CNGB3: variants seen among roughly 807,000 people sequenced by gnomAD.
The protein encoded by CNGB3 is cyclic nucleotide gated channel subunit beta 3, also known as cyclic nucleotide-gated channel beta-3.
CNGB3 carries 86 observed loss-of-function variants against 92.8 expected under a neutral mutation model. That is an observed-to-expected ratio of 0.93 (90% CI 0.78 to 1.11). The LOEUF is 1.11. Ranked by LOEUF, CNGB3 falls within the 50% of genes least tolerant of loss-of-function variation. The pLI is 0.00. For missense variants in CNGB3, 1,026 were observed against 956.8 expected, an observed-to-expected ratio of 1.07 and a Z score of -0.95; for synonymous variants, 333 against 332.7, an observed-to-expected ratio of 1.00 and a Z score of -0.01.
At chr8:86,610,328 A>G (rs2131564540) in intron 14 of CNGB3, among the ~76,000 whole-genome samples, 1 of 152,268 alleles carries the variant, frequency 6.6e-6, no homozygotes, top group Non-Finnish European at 1.5e-5. Context: ...AGTTTTGTGG[A>G]ATAAATCATT....
chr8:86,652,550 A>G (rs1823427068), intron 7 of CNGB3, among the ~76,000 whole-genome samples: 1 of 152,026 alleles, frequency 6.6e-6, no homozygotes, highest in Non-Finnish European at 1.5e-5. Context: ...TTATATATGT[A>G]TTATATAAGC....
chr8:86,629,956 C>A (rs759638679), intron 11 of CNGB3, among the ~76,000 whole-genome samples: 1 of 152,158 alleles, frequency 6.6e-6, no homozygotes, highest in African/African-American at 2.4e-5. Context: ...CTTTCACACT[C>A]CTAAGACTTT....
At chr8:86,610,099 T>C (rs1372211414) in intron 14 of CNGB3, among the ~76,000 whole-genome samples, 8 of 152,212 alleles carry the variant, frequency 5.3e-5, no homozygotes, top group African/African-American at 7.2e-5. Context: ...TTTAGAATGA[T>C]ATAGGAGTTT....
intron 15 of CNGB3, among the ~76,000 whole-genome samples, chr8:86,580,039 C>T (rs150518390): frequency 2.0e-5 from 3 of 152,158 alleles, no homozygotes; most frequent in African/African-American, 4.8e-5. Context: ...GCATCACTGG[C>T]GAGGGCTCAG....
chr8:86,698,984 G>A (rs557973050), intron 3 of CNGB3, among the ~76,000 whole-genome samples: 93 of 152,246 alleles, frequency 6.1e-4, no homozygotes, highest in Admixed American at 1.2e-3. Flanking sequence ...TCGGAGACCC[G>A]TCATCTATTT....
intron 3 of CNGB3, among the ~76,000 whole-genome samples, chr8:86,714,348 G>A (rs770076775): frequency 1.9e-4 from 29 of 152,144 alleles, no homozygotes; most frequent in Non-Finnish European, 3.7e-4. Context: ...AGGCTGGAGT[G>A]CAGTGGTGCA....
chr8:86,720,421 G>T (rs1824944088), intron 3 of CNGB3, among the ~76,000 whole-genome samples: 1 of 152,066 alleles, frequency 6.6e-6, no homozygotes, highest in South Asian at 2.1e-4. Flanking sequence ...CTAATTATCA[G>T]GGAAATGCAA....
intron 3 of CNGB3, among the ~76,000 whole-genome samples, chr8:86,714,005 AC>A (rs1824799796): frequency 6.6e-6 from 1 of 152,124 alleles, no homozygotes; most frequent in South Asian, 2.1e-4. Flanking sequence ...CAATCGGTAC[AC>A]CTGCATTGAC....
At chr8:86,630,733 G>T (rs572236840) in intron 11 of CNGB3, among the ~76,000 whole-genome samples, 50 of 152,178 alleles carry the variant, frequency 3.3e-4, no homozygotes, top group African/African-American at 9.1e-4. Context: ...AATTAGCCAG[G>T]CATGATGGCA....
chr8:86,581,616 T>G (rs1821767194), intron 15 of CNGB3, among the ~76,000 whole-genome samples: 1 of 152,230 alleles, frequency 6.6e-6, no homozygotes. Context: ...TAAGACTTCC[T>G]GTCTTATCTA....
rs150650617 is a variant in CNGB3, at chr8:86,629,032, C to T, written c.1367G>A (p.Arg456His). The change falls in exon 12 of 18, where the codon CGC becomes CAC. Residue 456 changes from arginine (R) to histidine (H), a missense_variant. Coordinates refer to ENST00000320005, the MANE Select transcript of CNGB3 (RefSeq NM_019098.5). ...GGCAATGGTGTCATCCATGCAGGCG[C>T]GGAAGTAGTTCTGATTGGCTGTAGC... The part of the protein sequence containing the change: ...GAATANQNYF[R>H]ACMDDTIAYM... The T allele has an allele frequency of 2.4e-4, 393 of 1,613,914 alleles. No homozygotes were observed. The highest frequency in any genetic ancestry group is 3.1e-4 in the Non-Finnish European group (364 of 1,179,974).
chr8:86,600,125 G>T (rs965101626), intron 15 of CNGB3, among the ~76,000 whole-genome samples: 1 of 152,110 alleles, frequency 6.6e-6, no homozygotes. Context: ...AAATATCGGG[G>T]GTGGATTTTG....
At chr8:86,651,305 G>T (rs927489926) in intron 7 of CNGB3, among the ~76,000 whole-genome samples, 6 of 151,740 alleles carry the variant, frequency 4.0e-5, no homozygotes, top group African/African-American at 1.2e-4. Context: ...AAAGCATAGA[G>T]TTGAGATAAT....
chr8:86,666,169 TA>T lies in CNGB3; in HGVS notation c.852+755del, dbSNP rs1456105598. 3.9e-5 allele frequency among the ~76,000 whole-genome samples: 6 copies of T among 152,332 alleles called. No homozygotes were observed. The East Asian group carries it at 1.2e-3, about 29-fold the overall frequency. On this transcript the variant is annotated intron_variant, in intron 6 of 17. Coordinates refer to ENST00000320005, the MANE Select transcript of CNGB3 (RefSeq NM_019098.5). ...TTTTTAAAAGTATTGAAGTGAACGG[TA>T]GACTGTAATGTGATAGAAAACAACT...
At chr8:86,742,383 A>G (rs982153395) in intron 1 of CNGB3, among the ~76,000 whole-genome samples, 1 of 152,220 alleles carries the variant, frequency 6.6e-6, no homozygotes, top group Non-Finnish European at 1.5e-5. Flanking sequence ...ACTCTCTCGA[A>G]GCAATACTAA....
At chr8:86,638,990 T>C (rs1004661562) in intron 10 of CNGB3, among the ~76,000 whole-genome samples, 1 of 151,960 alleles carries the variant, frequency 6.6e-6, no homozygotes, top group South Asian at 2.1e-4. Flanking sequence ...CTATGAGGTA[T>C]CTAGGACATC....
intron 14 of CNGB3, among the ~76,000 whole-genome samples, chr8:86,611,385 A>G (rs1822516468): frequency 6.6e-6 from 1 of 152,176 alleles, no homozygotes. Flanking sequence ...CTATCCTATA[A>G]TATAAGTAAT....
intron 10 of CNGB3, among the ~76,000 whole-genome samples, chr8:86,633,369 G>T (rs1224403334): frequency 2.0e-5 from 3 of 152,170 alleles, no homozygotes; most frequent in Non-Finnish European, 4.4e-5. Flanking sequence ...GCCCAAGGTA[G>T]CTGCTTACCT....
intron 13 of CNGB3, among the ~76,000 whole-genome samples, chr8:86,615,445 A>T (rs1822600459): frequency 6.6e-6 from 1 of 152,054 alleles, no homozygotes; most frequent in Non-Finnish European, 1.5e-5. Flanking sequence ...TCTACTAAAA[A>T]TACAAAAATT....
Sources: allele counts gnomAD v4.1 joint callset (sites outside exome capture counted in the v4.1 genomes callset), GRCh38; gene constraint gnomAD v4.1.1; transcripts MANE v1.5; gene names NCBI Gene and HGNC (gene_info 2026-07-23, HGNC 2026-07-21).